The following GDAP2 variants were observed in gnomAD, a reference collection of about 807,000 sequenced individuals.
GDAP2 encodes ganglioside-induced differentiation-associated protein 2.
GDAP2 carries 51 observed loss-of-function variants against 67.0 expected under a neutral mutation model. The observed-to-expected ratio is 0.76, with a 90% confidence interval of 0.61 to 0.96. The LOEUF (loss-of-function observed/expected upper bound fraction) is 0.96. Among genes scored for constraint, GDAP2 ranks in the 40% least tolerant of loss-of-function variants. GDAP2 has a pLI of 0.00. For synonymous variants in GDAP2, 203 were observed against 207.3 expected (o/e 0.98, Z 0.18); for missense variants, 547 against 588.3 (o/e 0.93, Z 0.73).
intron 13 of GDAP2, among the ~76,000 whole-genome samples, chr1:117,872,726 G>A (rs1376756588): frequency 1.3e-5 from 2 of 152,070 alleles, no homozygotes; most frequent in Non-Finnish European, 2.9e-5. Flanking sequence ...ATAAGCTAAT[G>A]CATGCTGGGC....
At chr1:117,908,304 T>A (rs140277786) in intron 5 of GDAP2, among the ~76,000 whole-genome samples, 172 of 152,242 alleles carry the variant, frequency 1.1e-3, no homozygotes, top group Non-Finnish European at 2.0e-3. Flanking sequence ...CTTACGGATG[T>A]GATATGCAAT....
At chr1:117,899,831 T>G (rs538287263) in intron 6 of GDAP2, among the ~76,000 whole-genome samples, 7 of 152,334 alleles carry the variant, frequency 4.6e-5, no homozygotes, top group Non-Finnish European at 1.5e-5. Context: ...ATTTTCATCT[T>G]CCTAGGAATT....
chr1:117,902,148 T>TTTTC (rs372260285), intron 6 of GDAP2, among the ~76,000 whole-genome samples: 15 of 152,188 alleles, frequency 9.9e-5, no homozygotes, highest in Non-Finnish European at 2.1e-4. Flanking sequence ...AATATTAAAC[T>TTTTC]TTTCTTTCTT....
intron 10 of GDAP2, among the ~76,000 whole-genome samples, chr1:117,883,980 T>A (rs186500887): frequency 2.0e-5 from 3 of 152,212 alleles, no homozygotes; most frequent in Non-Finnish European, 1.5e-5. Flanking sequence ...GACAATGATA[T>A]CGAAATCATT....
chr1:117,921,388 C>A (rs904786825), intron 1 of GDAP2, among the ~76,000 whole-genome samples: 1 of 152,104 alleles, frequency 6.6e-6, no homozygotes, highest in Non-Finnish European at 1.5e-5. Flanking sequence ...AAGAAACAAG[C>A]GGGTATCTAA....
chr1:117,900,398 T>C (rs1460486432), intron 6 of GDAP2, among the ~76,000 whole-genome samples: 2 of 152,132 alleles, frequency 1.3e-5, no homozygotes, highest in Non-Finnish European at 2.9e-5. Flanking sequence ...CATTCACCAT[T>C]CCTCCCTCTC....
chr1:117,890,719 T>C (rs1428275814), intron 8 of GDAP2, among the ~76,000 whole-genome samples: 1 of 152,120 alleles, frequency 6.6e-6, no homozygotes. Context: ...TTTTATATTG[T>C]TTTAAATTCA....
intron 3 of GDAP2, among the ~76,000 whole-genome samples, chr1:117,913,963 C>G (rs1338703554): frequency 6.6e-6 from 1 of 152,172 alleles, no homozygotes; most frequent in African/African-American, 2.4e-5. Context: ...CAGCAGTCTG[C>G]AGCCAGGAAG....
intron 1 of GDAP2, among the ~76,000 whole-genome samples, chr1:117,922,946 G>C (rs990914987): frequency 1.2e-4 from 19 of 152,300 alleles, no homozygotes; most frequent in African/African-American, 4.1e-4. Flanking sequence ...ACACTCCCAC[G>C]GTGGACATTT....
In GDAP2 at chr1:117,896,970, A is replaced by T; in HGVS notation, c.816T>A (p.Asp272Glu). ...GAPEDNQEEE[D>E]EGLGVDLSFI... is the part of the protein sequence containing the mutation. ...AAGAGAGATCAACTCCCAAGCCTTC[A>T]TCCTCCTCTTCTTGGTTATCTGTAA... is the stretch of plus-strand genomic sequence containing the variant. Residue 272 changes from aspartate to glutamate, a missense_variant, in exon 8 of 14, where the codon GAT becomes GAA. Asp to Glu is a conservative substitution (Grantham distance 45, BLOSUM62 2). Coordinates refer to ENST00000369443, the MANE Select transcript of GDAP2 (RefSeq NM_017686.4). The T allele has an allele frequency of 6.2e-7, 1 of 1,606,970 alleles. No homozygotes were observed. The highest frequency in any genetic ancestry group is 8.5e-7 in the Non-Finnish European group (1 of 1,176,128).
In GDAP2 at chr1:117,870,519, C is replaced by T. The variant is rs376659158; in HGVS notation, c.*50G>A. On this transcript the variant is annotated 3_prime_UTR_variant, in exon 14 of 14. Coordinates refer to ENST00000369443, the MANE Select transcript of GDAP2 (RefSeq NM_017686.4). ...AATATCACTTCAACAGGTAGCTATT[C>T]GTGGAGGAAGTGGCATCCTGGGAAC... 74 of 1,120,784 alleles carry T rather than the reference C, an allele frequency of 6.6e-5. No homozygotes were observed. The highest frequency in any genetic ancestry group is 2.0e-4 in the Middle Eastern group (1 of 5,118). The allele number at this position is 1,120,784 out of a possible 1,614,324, so 69.4% of individuals were successfully genotyped here. A position where few individuals can be genotyped will look rare whatever the true frequency, so the allele number is the denominator to read the frequency against.
chr1:117,878,236 A>T (rs1428140583), intron 12 of GDAP2, 84 bp from the exon 13 acceptor site: 6 of 650,688 alleles, frequency 9.2e-6, no homozygotes, highest in Non-Finnish European at 1.3e-5. Context: ...TATAGTAGAT[A>T]AAAACTATAT....
Position 117,869,553 on chromosome 1 carries a change from C to G in GDAP2, c.*1016G>C, listed in dbSNP as rs1276334769. On this transcript the variant is annotated 3_prime_UTR_variant, in exon 14 of 14. Coordinates refer to ENST00000369443, the MANE Select transcript of GDAP2 (RefSeq NM_017686.4). ...CATGATACCTCTGTGAGGTAGGCAG[C>G]ATAATTCTAATTTTTACTCATAACC... The G allele has an allele frequency of 6.6e-6, 1 of 152,606 alleles. No individual in the cohort carries two copies. Among genetic ancestry groups the G allele is most frequent in the African/African-American group, 2.4e-5 (1 of 41,434 alleles). 9.5% of individuals were successfully genotyped at this position (152,606 alleles called of 1,614,324 possible).
chr1:117,927,130 G>A (rs1650477068), intron 1 of GDAP2, among the ~76,000 whole-genome samples: 1 of 151,904 alleles, frequency 6.6e-6, no homozygotes, highest in Admixed American at 6.6e-5. Flanking sequence ...GTACTTTAGT[G>A]AAGAGGACCT....
In GDAP2 at chr1:117,866,039, T is replaced by C. The variant is rs1648049467; in HGVS notation, c.*4530A>G. 6.6e-6 allele frequency: 1 copy of C among 152,230 alleles called. No homozygotes were observed. The highest frequency in any genetic ancestry group is 1.5e-5 in the Non-Finnish European group (1 of 68,040). The allele number at this position is 152,230 out of a possible 1,614,324, so 9.4% of individuals were successfully genotyped here. The stretch of plus-strand genomic sequence containing the variant: ...TAGGCCTACCAGGCAATCCTTATCA[T>C]CTCTGGGTTTATGATATGACCTAGA... On this transcript the variant is annotated 3_prime_UTR_variant, in exon 14 of 14. Transcript: ENST00000369443.
At chr1:117,877,168 T>C in intron 13 of GDAP2, 1 of 366,074 alleles carries the variant, frequency 2.7e-6, no homozygotes, top group Non-Finnish European at 3.8e-6. Context: ...CACTTTACTC[T>C]GCACATAAGG....
rs766840897 is a variant in GDAP2 at position 117,918,675 on chromosome 1, T to C, written c.238A>G (p.Thr80Ala). Residue 80 changes from threonine (T) to alanine (A), a missense_variant, in exon 3 of 14, where the codon ACA (threonine) becomes GCA (alanine). Transcript: ENST00000369443. ...AIVNTSNESL[T>A]DKNPVSESIF... ...CTTTCTGACACAGGATTCTTATCTG[T>C]GAGACTTTCATTGCTGGTATTCACA... The C allele has an allele frequency of 6.2e-7, 1 of 1,601,824 alleles. No individual in the cohort carries two copies. Among genetic ancestry groups the C allele is most frequent in the South Asian group, 1.1e-5 (1 of 90,816 alleles).
intron 1 of GDAP2, among the ~76,000 whole-genome samples, chr1:117,922,677 G>C (rs1650299380): frequency 6.6e-6 from 1 of 152,158 alleles, no homozygotes; most frequent in Admixed American, 6.5e-5. Context: ...CAAAAGGGGA[G>C]GGATTGTACG....
chr1:117,929,131 C>A (rs764615270), intron 1 of GDAP2, among the ~76,000 whole-genome samples: 136 of 152,298 alleles, frequency 8.9e-4, no homozygotes, highest in Non-Finnish European at 1.6e-3. Context: ...TTTGGGACTA[C>A]AACCAGCAAG....
Sources: allele counts gnomAD v4.1 joint callset (sites outside exome capture counted in the v4.1 genomes callset), GRCh38; gene constraint gnomAD v4.1.1; transcripts MANE v1.5; gene names NCBI Gene and HGNC (gene_info 2026-07-23, HGNC 2026-07-21).